IMPA2: variants seen among roughly 807,000 people sequenced by gnomAD.
IMPA2 encodes IMP 2.
In IMPA2, 32 loss-of-function variants were observed where a neutral mutation model predicts 35.1. The ratio of observed to expected loss-of-function variants is 0.91; its 90% CI spans 0.69 to 1.23. The LOEUF (loss-of-function observed/expected upper bound fraction) is 1.23. Ranked by LOEUF, IMPA2 falls within the 50% of genes most tolerant of loss-of-function variation. IMPA2 has a pLI of 0.00. For synonymous variants in IMPA2, 135 were observed against 160.6 expected (o/e 0.84, Z 1.20); for missense variants, 334 against 387.6 (o/e 0.86, Z 1.16).
chr18:12,030,290 T>C (rs938948720), intron 7 of IMPA2, 53 bp from the exon 8 acceptor site: 1 of 1,358,260 alleles, frequency 7.4e-7, no homozygotes, highest in East Asian at 2.3e-5. Context: ...TACACAACAT[T>C]GTTCAGCCCT....
intron 1 of IMPA2, among the ~76,000 whole-genome samples, chr18:11,988,862 C>G (rs187407555): frequency 1.3e-5 from 2 of 152,070 alleles, no homozygotes; most frequent in Admixed American, 6.5e-5. Flanking sequence ...GACAGGGTAT[C>G]GCTTTGTTTC....
chr18:11,994,205 C>T (rs970280812), intron 1 of IMPA2: 1 of 151,984 alleles, frequency 6.6e-6, no homozygotes, highest in Non-Finnish European at 1.5e-5. Flanking sequence ...GAGACCTCAG[C>T]TCTACAAAAT....
chr18:11,989,956 C>T (rs911501237), intron 1 of IMPA2, among the ~76,000 whole-genome samples: 3 of 152,264 alleles, frequency 2.0e-5, no homozygotes, highest in Admixed American at 2.0e-4. Context: ...GGCAGGAGCT[C>T]AAAGGCATGG....
chr18:12,009,370 C>T lies in IMPA2; in HGVS notation c.231-513C>T, dbSNP rs908933844. 5.3e-5 allele frequency among the ~76,000 whole-genome samples: 8 copies of T among 152,120 alleles called. No homozygotes were observed. In the East Asian group the frequency reaches 1.5e-3, roughly 29 times the overall value. Reference sequence around the variant, plus strand: ...CCAGCTGCGGGGGGGCTCTGTTTGTCACCTGTGTCTGCAGTTCAGGTGAGC... The same window carrying T: ...CCAGCTGCGGGGGGGCTCTGTTTGTTACCTGTGTCTGCAGTTCAGGTGAGC... On this transcript the variant is annotated intron_variant, in intron 2 of 7. Transcript: ENST00000269159.
At chr18:12,024,907 A>G (rs1421958531) in intron 5 of IMPA2, among the ~76,000 whole-genome samples, 1 of 152,042 alleles carries the variant, frequency 6.6e-6, no homozygotes, top group African/African-American at 2.4e-5. Context: ...ATTTGTTAAA[A>G]TGAGACACAT....
chr18:12,029,099 A>T, intron 7 of IMPA2, 106 bp downstream of exon 7: 1 of 537,584 alleles, frequency 1.9e-6, no homozygotes, highest in Non-Finnish European at 2.9e-6. Context: ...CACCTTCCCC[A>T]GAGTTTCTGT....
intron 2 of IMPA2, among the ~76,000 whole-genome samples, chr18:12,004,156 C>T (rs115753672): frequency 2.0e-3 from 300 of 152,290 alleles, no homozygotes; most frequent in African/African-American, 6.9e-3. Context: ...CAGCTGCTTT[C>T]CCACTGGGCA....
At chr18:11,996,895 T>A (rs1906973196) in intron 1 of IMPA2, among the ~76,000 whole-genome samples, 1 of 149,990 alleles carries the variant, frequency 6.7e-6, no homozygotes, top group East Asian at 2.0e-4. Context: ...CACCCAGAGA[T>A]ACACACAGAG....
chr18:12,017,756 T>G (rs1907618646), intron 5 of IMPA2: 3 of 326,948 alleles, frequency 9.2e-6, no homozygotes, highest in Non-Finnish European at 1.8e-5. Context: ...ATCTGGCTAA[T>G]TTTTTTGTAT....
At chr18:12,002,915 G>T (rs1461861308) in intron 2 of IMPA2, among the ~76,000 whole-genome samples, 1 of 151,756 alleles carries the variant, frequency 6.6e-6, no homozygotes, top group Non-Finnish European at 1.5e-5. Context: ...TAAATAGGCT[G>T]GGCGCGGTGG....
In IMPA2 at chr18:12,007,119, G is replaced by A. The variant is rs538829581; in HGVS notation, c.231-2764G>A. Among the ~76,000 whole-genome samples the A allele has an allele frequency of 2.2e-4, 34 of 152,026 alleles. No individual in the cohort carries two copies. The South Asian group carries it at 4.1e-3, about 19-fold the overall frequency. ...CACTCCAGCCTGGGCGACAGGGCGA[G>A]ACTCTGTCTCCAAAAAAAAGTGACA... On this transcript the variant is annotated intron_variant, in intron 2 of 7. Coordinates refer to ENST00000269159, the MANE Select transcript of IMPA2 (RefSeq NM_014214.3).
intron 1 of IMPA2, among the ~76,000 whole-genome samples, chr18:11,982,306 C>G (rs2143768170): frequency 6.6e-6 from 1 of 152,326 alleles, no homozygotes; most frequent in South Asian, 2.1e-4. Context: ...AACCGAGCCG[C>G]AGAGCTACCG....
chr18:12,003,650 T>TAA (rs77016043), intron 2 of IMPA2, among the ~76,000 whole-genome samples: 38 of 80,000 alleles, frequency 4.7e-4, no homozygotes, highest in African/African-American at 1.8e-3. Context: ...GACTCCATCT[T>TAA]AAAAAAAAAA....
rs912059439 is a variant in IMPA2 at position 12,018,589 on chromosome 18, C to G, written c.490+4216C>G. Among the ~76,000 whole-genome samples, 3 of 152,216 alleles carry G rather than the reference C, an allele frequency of 2.0e-5. No homozygotes were observed. The South Asian group carries it at 6.2e-4, about 32-fold the overall frequency. On this transcript the variant is annotated intron_variant, in intron 5 of 7. Transcript: ENST00000269159. ...TACTCCTAAAAAAATTACTGAAGGC[C>G]TTTAAAACATTTATTAATTCATTTT...
rs68185380 is a variant in IMPA2 at position 12,022,528 on chromosome 18, A to AAATAT, written c.491-5514_491-5513insATATA. ...CAGAATGGGGCTCCATCTCAAAAAG[A>AAATAT]ATATATATATATATATATATATATA... On this transcript the variant is annotated intron_variant, in intron 5 of 7. Coordinates refer to ENST00000269159, the MANE Select transcript of IMPA2 (RefSeq NM_014214.3). Among the ~76,000 whole-genome samples, 617 of 96,802 alleles carry AAATAT rather than the reference A, an allele frequency of 6.4e-3. 47 individuals are homozygous for AAATAT. Among genetic ancestry groups the AAATAT allele is most frequent in the Middle Eastern group, 0.033 (6 of 184 alleles). 63.5% of individuals were successfully genotyped at this position (96,802 alleles called of 152,430 possible).
intron 2 of IMPA2, among the ~76,000 whole-genome samples, chr18:12,007,543 A>G (rs72873578): frequency 0.14 from 21,455 of 149,030 alleles, 1,980 homozygotes; most frequent in African/African-American, 0.23. Flanking sequence ...CAAACACCAG[A>G]ACATGGGACG....
chr18:12,007,604 C>CTCTT (rs879392055), intron 2 of IMPA2, among the ~76,000 whole-genome samples: 18 of 134,608 alleles, frequency 1.3e-4, no homozygotes, highest in South Asian at 2.4e-4. Flanking sequence ...TTCTTTCTTT[C>CTCTT]TCTTTCTTTC....
Position 12,030,791 on chromosome 18 carries a change from A to G in IMPA2, c.*333A>G, listed in dbSNP as rs1462193679. ...CCCCCCAGAATATAAATCTCAGGTA[A>G]TAAGGCTTTAGAACTGCTGATAAAG... On this transcript the variant is annotated 3_prime_UTR_variant, in exon 8 of 8. Transcript: ENST00000269159. The G allele has an allele frequency of 7.1e-6, 2 of 280,714 alleles. No homozygotes were observed. Among genetic ancestry groups the G allele is most frequent in the East Asian group, 1.8e-4 (2 of 11,166 alleles). The allele number at this position is 280,714 out of a possible 1,614,324, so 17.4% of individuals were successfully genotyped here.
At position 11,984,982 on chromosome 18, in the gene IMPA2, AAAAC is replaced by A. The variant is rs1193597378; in HGVS notation, c.96+3220_96+3223del. Among the ~76,000 whole-genome samples, 20 of 122,224 alleles carry A rather than the reference AAAAC, an allele frequency of 1.6e-4. 1 individual carries two copies. In the East Asian group the frequency reaches 2.6e-3, roughly 16 times the overall value. 80.2% of individuals were successfully genotyped at this position (122,224 alleles called of 152,430 possible). A position where few individuals can be genotyped will look rare whatever the true frequency, so the allele number is the denominator to read the frequency against. On this transcript the variant is annotated intron_variant, in intron 1 of 7. Coordinates refer to ENST00000269159, the MANE Select transcript of IMPA2 (RefSeq NM_014214.3). ...GACTCCGTCTCAAAAAAAAAAAAAA[AAAAC>A]AACAAAAATCAGTCGAGCGTGGTGG...
Sources: gnomAD v4.1 joint callset for allele counts (sites outside exome capture counted in the v4.1 genomes callset) on GRCh38, gnomAD v4.1.1 for gene constraint, MANE v1.5 for transcripts, NCBI Gene and HGNC (gene_info 2026-07-23, HGNC 2026-07-21) for gene names.